Variants in CTNNAL1 observed in about 807,000 individuals in gnomAD.
The protein encoded by CTNNAL1 is catenin alpha like 1, also known as alpha-catulin.
In CTNNAL1, 69 loss-of-function variants were observed where a neutral mutation model predicts 93.6. The observed-to-expected ratio is 0.74, with a 90% CI of 0.61 to 0.90. The LOEUF (loss-of-function observed/expected upper bound fraction) is 0.90, where lower values mean the gene tolerates loss of function less well. CTNNAL1 is among the 40% of genes least tolerant of loss of function. CTNNAL1 has a pLI of 0.00. For missense variants in CTNNAL1, 836 were observed against 862.0 expected, an observed-to-expected ratio of 0.97 and a Z score of 0.38; for synonymous variants, 286 against 305.4, an observed-to-expected ratio of 0.94 and a Z score of 0.66.
intron 15 of CTNNAL1, 133 bp from the exon 16 acceptor site, chr9:108,944,151 TA>T: frequency 2.3e-6 from 2 of 855,878 alleles, no homozygotes; most frequent in East Asian, 5.4e-5. Flanking sequence ...CAGGAACTCC[TA>T]AACTTTTTCC....
Position 108,976,412 on chromosome 9 carries a change from T to G in CTNNAL1, c.1188+550A>C, listed in dbSNP as rs147245840. ...TTTATCAATTCCTCTGTTGATGGAA[T>G]TCTAGGTTATTAGTTTTTTATTATT... On this transcript the variant is annotated intron_variant, in intron 8 of 18. Coordinates refer to ENST00000325551, the MANE Select transcript of CTNNAL1 (RefSeq NM_003798.4). Among the ~76,000 whole-genome samples the G allele has an allele frequency of 2.6e-3, 393 of 152,356 alleles. 4 individuals carry two copies. The highest frequency in any genetic ancestry group is 8.8e-3 in the African/African-American group (365 of 41,586).
chr9:108,959,700 A>G (rs1162739570), intron 11 of CTNNAL1, among the ~76,000 whole-genome samples: 2 of 152,226 alleles, frequency 1.3e-5, no homozygotes, highest in Non-Finnish European at 2.9e-5. Context: ...AAACAGGACT[A>G]TTTGGAGAAA....
At chr9:108,972,864 G>GGGGGGGGGGCCCCCT in intron 8 of CTNNAL1, 31 bp from the exon 9 acceptor site, 1 of 142,590 alleles carries the variant, frequency 7.0e-6, no homozygotes, top group Non-Finnish European at 1.0e-5. Flanking sequence ...GGGGGGGTGG[G>GGGGGGGGGGCCCCCT]AGGGTGGAGA....
At chr9:108,995,620 C>T (rs1831986357) in intron 2 of CTNNAL1, among the ~76,000 whole-genome samples, 1 of 152,086 alleles carries the variant, frequency 6.6e-6, no homozygotes, top group Admixed American at 6.5e-5. Context: ...AATAGGAAAA[C>T]CCAAGGTCAA....
chr9:108,965,948 A>T (rs1357048905), intron 10 of CTNNAL1, among the ~76,000 whole-genome samples: 1 of 152,232 alleles, frequency 6.6e-6, no homozygotes, highest in Non-Finnish European at 1.5e-5. Context: ...GATAATAATA[A>T]GTAACATATA....
intron 3 of CTNNAL1, chr9:108,991,804 C>T (rs1481700817): frequency 4.7e-6 from 2 of 429,576 alleles, no homozygotes; most frequent in African/African-American, 4.1e-5. Flanking sequence ...AGGACAACTC[C>T]TTCCCTGGCC....
In CTNNAL1 at chr9:108,990,084, A is replaced by C. The variant is rs369131542; in HGVS notation, c.639+642T>G. Among the ~76,000 whole-genome samples, 45 of 152,190 alleles carry C rather than the reference A, an allele frequency of 3.0e-4. 1 individual carries two copies. In the South Asian group the frequency reaches 8.5e-3, roughly 29 times the overall value. The stretch of plus-strand genomic sequence containing the variant: ...TAAAATAAAATAAAATAAAAAACAA[A>C]TATCATGTTGTAGTTTGAGAACTAC... On this transcript the variant is annotated intron_variant, in intron 4 of 18. Coordinates refer to ENST00000325551, the MANE Select transcript of CTNNAL1 (RefSeq NM_003798.4).
intron 2 of CTNNAL1, among the ~76,000 whole-genome samples, chr9:108,993,358 C>A (rs940545176): frequency 6.6e-6 from 1 of 152,034 alleles, no homozygotes; most frequent in Admixed American, 6.6e-5. Context: ...AATGGGGGCC[C>A]GGAAAGAACT....
chr9:108,964,389 A>C (rs967444168), intron 11 of CTNNAL1, among the ~76,000 whole-genome samples: 4 of 152,222 alleles, frequency 2.6e-5, no homozygotes, highest in African/African-American at 4.8e-5. Context: ...TATTTAAAAA[A>C]ATAAGCAAGC....
At chr9:108,972,864 G>GGGGGGCTCC in intron 8 of CTNNAL1, 31 bp from the exon 9 acceptor site, 2 of 142,586 alleles carry the variant, frequency 1.4e-5, no homozygotes, top group Non-Finnish European at 2.0e-5. Flanking sequence ...GGGGGGGTGG[G>GGGGGGCTCC]AGGGTGGAGA....
At chr9:109,003,751 C>T (rs1217775250) in intron 1 of CTNNAL1, among the ~76,000 whole-genome samples, 1 of 152,194 alleles carries the variant, frequency 6.6e-6, no homozygotes, top group Non-Finnish European at 1.5e-5. Context: ...TACAAGAAGT[C>T]TCTCCTGGAT....
chr9:109,012,405 G>A (rs900340608), intron 1 of CTNNAL1, among the ~76,000 whole-genome samples: 2 of 152,120 alleles, frequency 1.3e-5, no homozygotes, highest in East Asian at 1.9e-4. Context: ...TCACGAAGTG[G>A]TTACAACCTA....
intron 6 of CTNNAL1, among the ~76,000 whole-genome samples, chr9:108,982,077 A>G (rs2132151613): frequency 6.6e-6 from 1 of 152,292 alleles, no homozygotes; most frequent in Non-Finnish European, 1.5e-5. Flanking sequence ...AGGGCATTGT[A>G]CTAGATGACT....
chr9:109,001,370 A>T (rs1826822189), intron 1 of CTNNAL1, among the ~76,000 whole-genome samples: 1 of 152,104 alleles, frequency 6.6e-6, no homozygotes, highest in African/African-American at 2.4e-5. Flanking sequence ...AAGTGATATA[A>T]TCTCTGTAGT....
intron 3 of CTNNAL1, chr9:108,992,084 A>G (rs1831829590): frequency 1.3e-6 from 1 of 768,554 alleles, no homozygotes; most frequent in Admixed American, 1.7e-5. Context: ...TGGGAGGGAA[A>G]AAAAGTACAG....
intron 8 of CTNNAL1, among the ~76,000 whole-genome samples, chr9:108,975,221 G>A (rs537527265): frequency 3.3e-5 from 5 of 152,052 alleles, no homozygotes; most frequent in East Asian, 1.9e-4. Context: ...GGAAATGAGA[G>A]GTCTGTGTGA....
chr9:108,976,571 C>T (rs991122142), intron 8 of CTNNAL1, among the ~76,000 whole-genome samples: 1 of 151,652 alleles, frequency 6.6e-6, no homozygotes, highest in Admixed American at 6.6e-5. Context: ...CACTCTGGCA[C>T]CCAGGCTGAA....
chr9:108,948,358 TAG>T, intron 14 of CTNNAL1, 124 bp from the exon 15 acceptor site: 1 of 774,118 alleles, frequency 1.3e-6, no homozygotes, highest in Admixed American at 3.4e-5. Context: ...ATAATATGAA[TAG>T]ACTGATAATA....
intron 6 of CTNNAL1, 38 bp downstream of exon 6, chr9:108,983,107 A>T: frequency 1.5e-6 from 2 of 1,332,866 alleles, no homozygotes; most frequent in Non-Finnish European, 1.9e-6. Flanking sequence ...AAATAAAATA[A>T]GAAGAGAAAA....
Sources: gnomAD v4.1 joint callset for allele counts (sites outside exome capture counted in the v4.1 genomes callset) on GRCh38, gnomAD v4.1.1 for gene constraint, MANE v1.5 for transcripts, NCBI Gene and HGNC (gene_info 2026-07-23, HGNC 2026-07-21) for gene names.